CACHD1: variants seen among roughly 807,000 people sequenced by gnomAD.
The protein encoded by CACHD1 is VWFA and cache domain-containing protein 1.
CACHD1 carries 71 observed loss-of-function variants against 138.7 expected under a neutral mutation model. That is an observed-to-expected ratio of 0.51 (90% CI 0.42 to 0.62). The LOEUF is 0.62. CACHD1 is among the 20% of genes least tolerant of loss of function. The pLI is 0.00. For missense variants in CACHD1, 1,389 were observed against 1,625.3 expected (o/e 0.85, Z 2.50); for synonymous variants, 578 against 591.5 (o/e 0.98, Z 0.33).
intron 2 of CACHD1, among the ~76,000 whole-genome samples, chr1:64,576,428 TCTG>T (rs1557501596): frequency 6.6e-6 from 1 of 152,002 alleles, no homozygotes; most frequent in Admixed American, 6.5e-5. Context: ...ACTCTGAGGT[TCTG>T]TTATGCTTGC....
intron 26 of CACHD1, 83 bp downstream of exon 26, chr1:64,682,189 G>T (rs1415756456): frequency 7.7e-6 from 10 of 1,292,910 alleles, no homozygotes; most frequent in East Asian, 2.3e-5. Flanking sequence ...ATTTTGACAT[G>T]GTTTTCCAAA....
chr1:64,614,129 A>G (rs1302805312), intron 4 of CACHD1, among the ~76,000 whole-genome samples: 1 of 152,222 alleles, frequency 6.6e-6, no homozygotes, highest in Non-Finnish European at 1.5e-5. Flanking sequence ...ACGTAAGGGT[A>G]TGAATAAATA....
rs763556088 is a variant in CACHD1 at position 64,641,928 on chromosome 1, T to G, written c.1115T>G (p.Leu372Arg). The G allele has an allele frequency of 5.6e-6, 9 of 1,605,826 alleles. No individual in the cohort carries two copies. The highest frequency in any genetic ancestry group is 7.6e-6 in the Non-Finnish European group (9 of 1,177,174). ...GTCATCAATGAAGAAAATAGCTTTCTAAACAACTCTGTAATGATTCTCACC... is the reference window on the plus strand; with the variant it reads ...GTCATCAATGAAGAAAATAGCTTTCGAAACAACTCTGTAATGATTCTCACC... The part of the protein sequence containing the change: ...LQVINEENSF[L>R]NNSVMILTYA... The change falls in exon 8 of 27, where the codon CTA becomes CGA. Residue 372 changes from leucine to arginine, a missense_variant. By Grantham distance (102) the Leu-to-Arg change is moderately radical (BLOSUM62 -2). Around this residue, in one of 5 missense-constraint regions of CACHD1, gnomAD observed 1,000 missense variants for 1,114.7 expected, o/e 0.90. Coordinates refer to ENST00000651257, the MANE Select transcript of CACHD1 (RefSeq NM_020925.4).
chr1:64,488,154 A>G (rs897165015), intron 1 of CACHD1, among the ~76,000 whole-genome samples: 5 of 152,216 alleles, frequency 3.3e-5, no homozygotes, highest in African/African-American at 4.8e-5. Flanking sequence ...TAATTAGTGA[A>G]ACTAAAATAC....
intron 2 of CACHD1, among the ~76,000 whole-genome samples, chr1:64,565,937 C>T (rs546025280): frequency 7.9e-5 from 12 of 152,102 alleles, no homozygotes; most frequent in Non-Finnish European, 1.8e-4. Context: ...ATCAGCATTA[C>T]GTATTGAATG....
chr1:64,584,240 C>T (rs1008529690), intron 3 of CACHD1, among the ~76,000 whole-genome samples: 4 of 152,266 alleles, frequency 2.6e-5, no homozygotes, highest in African/African-American at 4.8e-5. Flanking sequence ...CCTGGCATCT[C>T]GTGAGTAGAG....
intron 5 of CACHD1, among the ~76,000 whole-genome samples, chr1:64,630,167 C>G (rs998020323): frequency 6.6e-6 from 1 of 152,306 alleles, no homozygotes; most frequent in East Asian, 1.9e-4. Context: ...ATCTGGAGCT[C>G]TAGTGCAGGG....
At chr1:64,623,663 AG>A (rs1382784973) in intron 4 of CACHD1, among the ~76,000 whole-genome samples, 1 of 152,158 alleles carries the variant, frequency 6.6e-6, no homozygotes, top group Admixed American at 6.5e-5. Context: ...GCGGAGTGGA[AG>A]GTAGGAAGAG....
intron 3 of CACHD1, among the ~76,000 whole-genome samples, chr1:64,589,860 C>A (rs1010767216): frequency 2.6e-5 from 4 of 152,102 alleles, no homozygotes; most frequent in African/African-American, 9.7e-5. Context: ...TCCCTCCTGC[C>A]CTTTTACCCC....
At chr1:64,480,986 T>C (rs1646208562) in intron 1 of CACHD1, among the ~76,000 whole-genome samples, 1 of 152,172 alleles carries the variant, frequency 6.6e-6, no homozygotes, top group African/African-American at 2.4e-5. Context: ...TTTAAATGTT[T>C]CTTTACCTTG....
intron 3 of CACHD1, among the ~76,000 whole-genome samples, chr1:64,584,634 T>G (rs114132403): frequency 0.015 from 2,260 of 152,306 alleles, 54 homozygotes; most frequent in African/African-American, 0.052. Flanking sequence ...CATCTCTATA[T>G]AGTGTAGAAC....
At chr1:64,608,920 A>G (rs1264888731) in intron 4 of CACHD1, among the ~76,000 whole-genome samples, 3 of 152,224 alleles carry the variant, frequency 2.0e-5, no homozygotes, top group Non-Finnish European at 4.4e-5. Context: ...TTCTCACTGA[A>G]AGAAAAAGCG....
At chr1:64,657,278 A>G (rs1311465226) in intron 12 of CACHD1, among the ~76,000 whole-genome samples, 1 of 152,168 alleles carries the variant, frequency 6.6e-6, no homozygotes, top group African/African-American at 2.4e-5. Flanking sequence ...TAATGTAGAG[A>G]CTATTTTTTT....
chr1:64,583,406 CT>C (rs1647027471), intron 3 of CACHD1, among the ~76,000 whole-genome samples: 1 of 152,304 alleles, frequency 6.6e-6, no homozygotes, highest in East Asian at 1.9e-4. Flanking sequence ...CCCACATGGT[CT>C]TTGGATATTT....
chr1:64,646,293 C>T (rs1165021008), intron 8 of CACHD1, among the ~76,000 whole-genome samples: 1 of 152,210 alleles, frequency 6.6e-6, no homozygotes, highest in Non-Finnish European at 1.5e-5. Flanking sequence ...GTGTACCCCT[C>T]ACTCCCCATC....
At chr1:64,642,412 T>TTCTC in intron 8 of CACHD1, among the ~76,000 whole-genome samples, 1 of 152,344 alleles carries the variant, frequency 6.6e-6, no homozygotes, top group East Asian at 1.9e-4. Flanking sequence ...TTCTGCCACT[T>TTCTC]TCTCCACCTC....
chr1:64,564,696 A>G (rs1481967820), intron 2 of CACHD1, among the ~76,000 whole-genome samples: 1 of 152,168 alleles, frequency 6.6e-6, no homozygotes, highest in Non-Finnish European at 1.5e-5. Flanking sequence ...TAAATCTGTA[A>G]ACTTTAAAAG....
At chr1:64,640,281 A>G (rs1052579694) in intron 7 of CACHD1, among the ~76,000 whole-genome samples, 2 of 152,212 alleles carry the variant, frequency 1.3e-5, no homozygotes, top group Non-Finnish European at 2.9e-5. Context: ...CTTTAGAGCA[A>G]CCTCAACTAA....
chr1:64,674,625 A>C (rs945222713), intron 19 of CACHD1, among the ~76,000 whole-genome samples: 8 of 152,110 alleles, frequency 5.3e-5, no homozygotes, highest in Non-Finnish European at 1.0e-4. Context: ...ACCTCTAAAA[A>C]CCCATTGAGT....
Sources: gnomAD v4.1 joint callset for allele counts (sites outside exome capture counted in the v4.1 genomes callset) on GRCh38, gnomAD v4.1.1 for gene constraint, gnomAD v4.1.1 regional missense constraint, MANE v1.5 for transcripts, NCBI Gene and HGNC (gene_info 2026-07-23, HGNC 2026-07-21) for gene names.